The following SAMMSON variants were observed in gnomAD, a reference collection of about 807,000 sequenced individuals.
SAMMSON encodes the protein long intergenic non-protein coding RNA 1212.
intron 7 of SAMMSON, among the ~76,000 whole-genome samples, chr3:70,306,192 C>T (rs1480405183): frequency 1.3e-5 from 2 of 152,126 alleles, no homozygotes; most frequent in Non-Finnish European, 2.9e-5. Flanking sequence ...CAACCTCCGC[C>T]TCCTAGTTTC....
intron 9 of SAMMSON, among the ~76,000 whole-genome samples, chr3:70,379,675 A>T (rs1408603633): frequency 1.3e-5 from 2 of 152,198 alleles, no homozygotes; most frequent in African/African-American, 4.8e-5. Flanking sequence ...AGGGGCTGAC[A>T]GCTGAAGACC....
intron 4 of SAMMSON, among the ~76,000 whole-genome samples, chr3:70,083,911 C>T (rs1043153230): frequency 3.3e-5 from 5 of 151,944 alleles, no homozygotes; most frequent in African/African-American, 7.3e-5. Flanking sequence ...GTAGGAGCTC[C>T]GTAAATAAGG....
At position 70,067,483 on chromosome 3, in the gene SAMMSON, T is replaced by C. The variant is rs182198725; in HGVS notation, n.418-3993T>C. On this transcript the variant is annotated intron_variant and non_coding_transcript_variant, in intron 3 of 9. Coordinates refer to ENST00000642114, the Ensembl canonical transcript of SAMMSON. ...ACTGTCATTTGTACCAGAATTCTTATATACCCCTCCACCTCGCCCCCACTT... is the reference window on the plus strand; with the variant it reads ...ACTGTCATTTGTACCAGAATTCTTACATACCCCTCCACCTCGCCCCCACTT... Among the ~76,000 whole-genome samples, 39 of 152,180 alleles carry C rather than the reference T, an allele frequency of 2.6e-4. No individual in the cohort carries two copies. The East Asian group carries it at 7.2e-3, about 28-fold the overall frequency.
intron 4 of SAMMSON, among the ~76,000 whole-genome samples, chr3:70,227,838 T>C (rs1023650423): frequency 2.0e-5 from 3 of 152,090 alleles, no homozygotes; most frequent in African/African-American, 7.2e-5. Flanking sequence ...TAAATGCAGA[T>C]AGTAGTAAGC....
intron 3 of SAMMSON, among the ~76,000 whole-genome samples, chr3:70,037,466 A>G (rs2067090528): frequency 2.0e-5 from 3 of 152,140 alleles, no homozygotes; most frequent in Admixed American, 2.0e-4. Context: ...GTGCTTATCT[A>G]CAGTAGAAGA....
At chr3:70,186,612 T>G (rs1273656212) in intron 4 of SAMMSON, among the ~76,000 whole-genome samples, 2 of 152,088 alleles carry the variant, frequency 1.3e-5, no homozygotes, top group Non-Finnish European at 2.9e-5. Flanking sequence ...ACCTAATAGT[T>G]GAAAGGGGTT....
At chr3:70,209,802 G>A (rs1166636995) in intron 4 of SAMMSON, among the ~76,000 whole-genome samples, 1 of 151,978 alleles carries the variant, frequency 6.6e-6, no homozygotes, top group Non-Finnish European at 1.5e-5. Context: ...GCCCAAAATC[G>A]AGCCTTGCAA....
chr3:70,371,031 T>C (rs1702963933), intron 9 of SAMMSON, among the ~76,000 whole-genome samples: 1 of 152,132 alleles, frequency 6.6e-6, no homozygotes, highest in African/African-American at 2.4e-5. Context: ...TTTTTCTGCA[T>C]GTTGCTATGC....
At chr3:70,005,555 G>C (rs563786904) in intron 1 of SAMMSON, among the ~76,000 whole-genome samples, 1 of 152,238 alleles carries the variant, frequency 6.6e-6, no homozygotes, top group East Asian at 1.9e-4. Flanking sequence ...TGAAGACCTT[G>C]ACCAGAACTG....
intron 6 of SAMMSON, among the ~76,000 whole-genome samples, chr3:70,261,084 G>T (rs1701861226): frequency 6.6e-6 from 1 of 152,108 alleles, no homozygotes; most frequent in African/African-American, 2.4e-5. Context: ...TTTATTTAAA[G>T]TTCAATTCCA....
intron 7 of SAMMSON, among the ~76,000 whole-genome samples, chr3:70,341,967 T>C (rs1702714464): frequency 6.6e-6 from 1 of 152,206 alleles, no homozygotes; most frequent in South Asian, 2.1e-4. Context: ...AAATCCAAAG[T>C]AAATATTTGC....
At chr3:70,178,471 C>T (rs1236032253) in intron 4 of SAMMSON, among the ~76,000 whole-genome samples, 1 of 152,166 alleles carries the variant, frequency 6.6e-6, no homozygotes, top group Admixed American at 6.5e-5. Flanking sequence ...TAGCATAAAT[C>T]TCCCACTAAT....
At chr3:70,334,986 T>C (rs1403217678) in intron 7 of SAMMSON, among the ~76,000 whole-genome samples, 1 of 151,318 alleles carries the variant, frequency 6.6e-6, no homozygotes, top group Non-Finnish European at 1.5e-5. Context: ...TGTAATGTTA[T>C]GGGAAAAAAG....
chr3:70,399,781 A>G (rs1701123906), intron 2 of SAMMSON, among the ~76,000 whole-genome samples: 2 of 150,664 alleles, frequency 1.3e-5, no homozygotes, highest in Non-Finnish European at 3.0e-5. Context: ...AGGCAGCGGC[A>G]GGAGAATCAC....
Position 70,221,291 on chromosome 3 carries a change from T to C in SAMMSON, n.508-27816T>C, listed in dbSNP as rs116367510. 4.3e-3 allele frequency among the ~76,000 whole-genome samples: 650 copies of C among 152,304 alleles called. 5 individuals carry two copies. Among genetic ancestry groups the C allele is most frequent in the African/African-American group, 0.014 (601 of 41,570 alleles). On this transcript the variant is annotated intron_variant and non_coding_transcript_variant, in intron 4 of 9. Transcript: ENST00000642114. The stretch of plus-strand genomic sequence containing the variant: ...CACACTATGAGAAGCTTTGCCTAAG[T>C]GCTTTAAATGAATTCTCATTTAATC...
At chr3:70,304,704 A>G (rs1369594985) in intron 7 of SAMMSON, among the ~76,000 whole-genome samples, 2 of 152,144 alleles carry the variant, frequency 1.3e-5, no homozygotes, top group African/African-American at 2.4e-5. Context: ...GCCAACAGCA[A>G]TACTCTCCTA....
chr3:70,154,024 T>G (rs2067581989), intron 4 of SAMMSON, among the ~76,000 whole-genome samples: 1 of 152,072 alleles, frequency 6.6e-6, no homozygotes, highest in African/African-American at 2.4e-5. Flanking sequence ...CTGCTATTTT[T>G]TTTCAGGATG....
chr3:70,423,710 G>A (rs555680563), intron 2 of SAMMSON, among the ~76,000 whole-genome samples: 6 of 152,244 alleles, frequency 3.9e-5, no homozygotes, highest in African/African-American at 1.4e-4. Context: ...AATTGTGTAG[G>A]ACTTCTTGGA....
At chr3:70,160,716 T>G (rs1206261738) in intron 4 of SAMMSON, among the ~76,000 whole-genome samples, 1 of 152,040 alleles carries the variant, frequency 6.6e-6, no homozygotes, top group East Asian at 1.9e-4. Context: ...TGTCAATTTC[T>G]GAAACCGCAA....
Sources: gnomAD v4.1 joint callset for allele counts (sites outside exome capture counted in the v4.1 genomes callset) on GRCh38, gnomAD v4.1.1 for gene constraint, MANE v1.5 for transcripts, NCBI Gene and HGNC (gene_info 2026-07-23, HGNC 2026-07-21) for gene names.